Variants in MTA3 observed in about 807,000 individuals in gnomAD.
MTA3 encodes metastasis-associated protein MTA3.
Under a neutral mutation model 83.5 loss-of-function variants are expected in MTA3, and 34 were observed. That is an observed-to-expected ratio of 0.41 (90% CI 0.31 to 0.54). MTA3 has a LOEUF of 0.54. Ranked by LOEUF, MTA3 falls within the 20% of genes least tolerant of loss-of-function variation. The pLI is 0.33. For missense variants in MTA3, 761 were observed against 726.4 expected (o/e 1.05, Z -0.55); for synonymous variants, 303 against 252.7 (o/e 1.20, Z -1.89).
intron 6 of MTA3, among the ~76,000 whole-genome samples, chr2:42,647,241 A>G (rs1462518560): frequency 6.6e-6 from 1 of 151,046 alleles, no homozygotes. Flanking sequence ...ACTTTTTTTT[A>G]GAGACAGAGT....
At chr2:42,527,003 G>A (rs1334693731) in intron 2 of MTA3, among the ~76,000 whole-genome samples, 2 of 135,146 alleles carry the variant, frequency 1.5e-5, no homozygotes, top group African/African-American at 5.7e-5. Context: ...GCAGTGAGCT[G>A]AGATCCCGCC....
rs189650636 is a variant in MTA3 at position 42,642,150 on chromosome 2, C to T, written c.381+1914C>T. ...ATTGGCCTATCTGGAACCTTTTCTT[C>T]TTCTTTTTTACAACTTCTATTATAA... On this transcript the variant is annotated intron_variant, in intron 5 of 16. Coordinates refer to ENST00000405094, the MANE Select transcript of MTA3 (RefSeq NM_001330442.2). Among the ~76,000 whole-genome samples the T allele has an allele frequency of 4.6e-5, 7 of 152,212 alleles. No individual in the cohort carries two copies. The East Asian group carries it at 1.3e-3, about 29-fold the overall frequency.
At chr2:42,606,363 G>A (rs1205571009) in intron 3 of MTA3, among the ~76,000 whole-genome samples, 1 of 149,180 alleles carries the variant, frequency 6.7e-6, no homozygotes, top group Admixed American at 6.6e-5. Context: ...GCCGGGCGGA[G>A]GGGCTCCTCA....
chr2:42,545,508 G>A (rs1220894990), intron 2 of MTA3, among the ~76,000 whole-genome samples: 2 of 152,172 alleles, frequency 1.3e-5, no homozygotes, highest in East Asian at 3.8e-4. Context: ...GGAAGGGAGA[G>A]TGGGAGGTTC....
chr2:42,606,451 C>T (rs1451950400), intron 3 of MTA3, among the ~76,000 whole-genome samples: 5 of 151,630 alleles, frequency 3.3e-5, no homozygotes, highest in Non-Finnish European at 5.9e-5. Context: ...CTCCCCACAT[C>T]TCAGACGATC....
chr2:42,612,426 G>T (rs953295241), intron 4 of MTA3, among the ~76,000 whole-genome samples: 38 of 152,290 alleles, frequency 2.5e-4, no homozygotes, highest in African/African-American at 7.5e-4. Context: ...ATGGTGGCCA[G>T]ACTGGTCTTG....
intron 2 of MTA3, among the ~76,000 whole-genome samples, chr2:42,513,735 C>G (rs1350616744): frequency 6.6e-6 from 1 of 152,166 alleles, no homozygotes; most frequent in Non-Finnish European, 1.5e-5. Flanking sequence ...ACTCAGTGAG[C>G]CGGGAATGAG....
chr2:42,583,249 C>A (rs1679870740), intron 3 of MTA3, among the ~76,000 whole-genome samples: 1 of 152,090 alleles, frequency 6.6e-6, no homozygotes, highest in Non-Finnish European at 1.5e-5. Context: ...AGAAGGATTA[C>A]TTCTATGTAC....
At chr2:42,592,023 G>T (rs555810822) in intron 3 of MTA3, among the ~76,000 whole-genome samples, 2 of 152,170 alleles carry the variant, frequency 1.3e-5, no homozygotes, top group Admixed American at 6.5e-5. Flanking sequence ...CAGCACTTTG[G>T]GGGGCTGAGG....
intron 3 of MTA3, among the ~76,000 whole-genome samples, chr2:42,582,259 C>T (rs958329114): frequency 8.6e-5 from 13 of 151,974 alleles, no homozygotes; most frequent in South Asian, 2.1e-4. Context: ...GGGGTTTCAC[C>T]GCGTTAGCCA....
intron 8 of MTA3, among the ~76,000 whole-genome samples, chr2:42,667,570 T>TTATGTGTGTGTGTGTGTGTGTGTG (rs770325715): frequency 6.9e-6 from 1 of 145,004 alleles, no homozygotes; most frequent in Non-Finnish European, 1.5e-5. Context: ...CATTTAAAAA[T>TTATGTGTGTGTGTGTGTGTGTGTG]TGTGTGTGTG....
intron 8 of MTA3, among the ~76,000 whole-genome samples, chr2:42,679,598 A>T (rs1163699762): frequency 6.6e-6 from 1 of 152,208 alleles, no homozygotes; most frequent in African/African-American, 2.4e-5. Context: ...ATAAACAAGA[A>T]CAGAAGATTC....
At chr2:42,532,439 G>A (rs781113357) in intron 2 of MTA3, among the ~76,000 whole-genome samples, 1 of 152,170 alleles carries the variant, frequency 6.6e-6, no homozygotes, top group African/African-American at 2.4e-5. Context: ...CTACCCGGAA[G>A]GCAGAGGTTG....
At chr2:42,583,501 A>G (rs1679900789) in intron 3 of MTA3, among the ~76,000 whole-genome samples, 1 of 152,102 alleles carries the variant, frequency 6.6e-6, no homozygotes, top group South Asian at 2.1e-4. Context: ...CCTGAACTTT[A>G]GTTTTTCCAT....
chr2:42,733,814 T>G (rs1351871538), intron 16 of MTA3, among the ~76,000 whole-genome samples: 1 of 152,172 alleles, frequency 6.6e-6, no homozygotes, highest in African/African-American at 2.4e-5. Context: ...AGCATATTGT[T>G]TAATTTCCAT....
intron 2 of MTA3, among the ~76,000 whole-genome samples, chr2:42,553,102 C>A (rs1677195770): frequency 1.3e-5 from 2 of 151,866 alleles, no homozygotes; most frequent in South Asian, 4.2e-4. Flanking sequence ...CATAGGGAGA[C>A]CCTGTCTCTA....
chr2:42,628,232 T>C (rs1422809446), intron 4 of MTA3, among the ~76,000 whole-genome samples: 1 of 151,074 alleles, frequency 6.6e-6, no homozygotes, highest in East Asian at 2.0e-4. Context: ...ATTTATTTAT[T>C]TATTTATTTA....
intron 3 of MTA3, among the ~76,000 whole-genome samples, chr2:42,594,728 A>ATATTTT: frequency 3.3e-4 from 8 of 24,048 alleles, no homozygotes; most frequent in South Asian, 4.1e-3. Flanking sequence ...ATATATATAT[A>ATATTTT]TTTTTTTTTT....
chr2:42,594,667 C>CATATAT (rs1350095035), intron 3 of MTA3, among the ~76,000 whole-genome samples: 2 of 123,838 alleles, frequency 1.6e-5, no homozygotes, highest in Non-Finnish European at 3.4e-5. Context: ...TATATATACA[C>CATATAT]ACATATATAA....
Sources: gnomAD v4.1 joint callset for allele counts (sites outside exome capture counted in the v4.1 genomes callset) on GRCh38, gnomAD v4.1.1 for gene constraint, MANE v1.5 for transcripts, NCBI Gene and HGNC (gene_info 2026-07-23, HGNC 2026-07-21) for gene names.